Variants in NSG1 observed in about 807,000 individuals in gnomAD.
The protein encoded by NSG1 is neuronal vesicle trafficking-associated protein 1.
A neutral mutation model predicts 19.3 loss-of-function variants in NSG1; 9 were observed. The observed-to-expected ratio is 0.47, with a 90% CI of 0.28 to 0.81. The LOEUF (loss-of-function observed/expected upper bound fraction) is 0.81. Among genes scored for constraint, NSG1 ranks in the 40% least tolerant of loss-of-function variants. NSG1 has a pLI of 0.11. For missense variants in NSG1, 236 were observed against 242.4 expected, an observed-to-expected ratio of 0.97 and a Z score of 0.18; for synonymous variants, 104 against 107.0, an observed-to-expected ratio of 0.97 and a Z score of 0.17.
intron 3 of NSG1, among the ~76,000 whole-genome samples, chr4:4,394,082 T>C (rs11944853): frequency 0.044 from 6,729 of 152,220 alleles, 510 homozygotes; most frequent in African/African-American, 0.15. Flanking sequence ...TAGGCGCCCT[T>C]ATAGCTCCAT....
rs1724699376 is a variant in NSG1, at chr4:4,418,289, C to G, written c.*854C>G. 1 of 152,188 alleles carries G rather than the reference C, an allele frequency of 6.6e-6. No homozygotes were observed. Among genetic ancestry groups the G allele is most frequent in the African/African-American group, 2.4e-5 (1 of 41,442 alleles). 9.4% of individuals were successfully genotyped at this position (152,188 alleles called of 1,614,324 possible). A position where few individuals can be genotyped will look rare whatever the true frequency, so the allele number is the denominator to read the frequency against. On this transcript the variant is annotated 3_prime_UTR_variant, in exon 5 of 5. Transcript: ENST00000621129. Reference sequence around the variant, plus strand: ...ACTTCTATTATGAATAAATTTGCACCAATAGCCCCATTAGTTTTTAAAGAA... The same window carrying G: ...ACTTCTATTATGAATAAATTTGCACGAATAGCCCCATTAGTTTTTAAAGAA...
intron 2 of NSG1, among the ~76,000 whole-genome samples, chr4:4,391,219 C>G (rs1722972361): frequency 6.6e-6 from 1 of 152,216 alleles, no homozygotes; most frequent in African/African-American, 2.4e-5. Context: ...ACCGCATGAC[C>G]TTGGCCAATG....
At chr4:4,414,101 C>G (rs1724382094) in intron 4 of NSG1, among the ~76,000 whole-genome samples, 1 of 152,080 alleles carries the variant, frequency 6.6e-6, no homozygotes, top group South Asian at 2.1e-4. Context: ...CCTGGAGCTT[C>G]CTTCCTGGCT....
At position 4,387,689 on chromosome 4, in the gene NSG1, T is replaced by C. The variant is rs1164172065; in HGVS notation, c.60T>C (p.Asp20=). The C allele has an allele frequency of 6.2e-7, 1 of 1,613,792 alleles. No homozygotes were observed. Among genetic ancestry groups the C allele is most frequent in the Admixed American group, 1.7e-5 (1 of 60,018 alleles). The change falls in exon 2 of 5, where the codon GAT becomes GAC. Residue 20 remains aspartate (D), a synonymous_variant. Coordinates refer to ENST00000621129, the MANE Select transcript of NSG1 (RefSeq NM_014392.5). ...EKGTKQPLLE[D]GFDTIPLMTP... ...GCACCAAGCAGCCGCTGCTGGAGGA[T>C]GGCTTCGACACCATTCCCCTGATGA...
chr4:4,387,618 G>A lies in NSG1; in HGVS notation c.-12G>A, dbSNP rs376727144. ...TCCCGCCGCAGGCTGCAGCCTCGGA[G>A]CTCCCGGAACGATGGTGAAGTTGGG... On this transcript the variant is annotated 5_prime_UTR_variant, in exon 2 of 5. Coordinates refer to ENST00000621129, the MANE Select transcript of NSG1 (RefSeq NM_014392.5). The A allele has an allele frequency of 6.2e-7, 1 of 1,607,762 alleles. No homozygotes were observed. The highest frequency in any genetic ancestry group is 8.5e-7 in the Non-Finnish European group (1 of 1,176,700).
intron 3 of NSG1, among the ~76,000 whole-genome samples, chr4:4,407,169 TAG>T (rs144222287): frequency 6.6e-6 from 1 of 152,096 alleles, no homozygotes; most frequent in African/African-American, 2.4e-5. Flanking sequence ...CTCTGGCCCT[TAG>T]AGAGGGTGAT....
At chr4:4,406,117 T>G (rs961764866) in intron 3 of NSG1, among the ~76,000 whole-genome samples, 2 of 152,188 alleles carry the variant, frequency 1.3e-5, no homozygotes, top group African/African-American at 4.8e-5. Context: ...AACCTCCACC[T>G]CCTGGGTTCA....
chr4:4,396,369 C>T (rs1436326256), intron 3 of NSG1, among the ~76,000 whole-genome samples: 3 of 152,228 alleles, frequency 2.0e-5, no homozygotes, highest in Non-Finnish European at 4.4e-5. Flanking sequence ...GTTGCTGACG[C>T]TGGAGAGGTC....
chr4:4,387,561 C>CCGGGGGGGGTGTG, intron 1 of NSG1, 43 bp from the exon 2 acceptor site: 1 of 1,141,990 alleles, frequency 8.8e-7, no homozygotes, highest in Non-Finnish European at 1.2e-6. Context: ...CGCCCCGCCC[C>CCGGGGGGGGTGTG]GGGTCTTGCT....
intron 3 of NSG1, among the ~76,000 whole-genome samples, chr4:4,398,205 G>A (rs752004493): frequency 6.6e-6 from 1 of 151,850 alleles, no homozygotes; most frequent in East Asian, 1.9e-4. Flanking sequence ...CACCTGCCTC[G>A]GCCTCCCAAA....
At chr4:4,402,867 A>C (rs1723643140) in intron 3 of NSG1, among the ~76,000 whole-genome samples, 1 of 152,230 alleles carries the variant, frequency 6.6e-6, no homozygotes, top group Non-Finnish European at 1.5e-5. Flanking sequence ...CAGGCATGGG[A>C]ATCAGACACT....
intron 4 of NSG1, among the ~76,000 whole-genome samples, chr4:4,415,291 C>A (rs1376823335): frequency 2.0e-5 from 3 of 152,170 alleles, no homozygotes; most frequent in African/African-American, 7.2e-5. Context: ...CCTCCCGTGC[C>A]CCACAAGACA....
intron 3 of NSG1, among the ~76,000 whole-genome samples, chr4:4,400,051 C>T (rs1254178073): frequency 6.6e-6 from 1 of 152,182 alleles, no homozygotes; most frequent in African/African-American, 2.4e-5. Context: ...GACACCATTG[C>T]CAAATCACAT....
At chr4:4,404,002 C>G (rs1723712018) in intron 3 of NSG1, among the ~76,000 whole-genome samples, 1 of 152,202 alleles carries the variant, frequency 6.6e-6, no homozygotes, top group Non-Finnish European at 1.5e-5. Context: ...TTTAAACTTG[C>G]TATGCCGCTA....
At chr4:4,414,195 C>T (rs1291727423) in intron 4 of NSG1, among the ~76,000 whole-genome samples, 2 of 151,944 alleles carry the variant, frequency 1.3e-5, no homozygotes, top group East Asian at 3.9e-4. Flanking sequence ...AGCCCAAGTC[C>T]CGCTGGATAC....
At chr4:4,415,807 G>A (rs963280924) in intron 4 of NSG1, 17 of 360,704 alleles carry the variant, frequency 4.7e-5, no homozygotes, top group African/African-American at 2.1e-4. Context: ...CCCTTGGTCC[G>A]TTTCCCTGAG....
chr4:4,398,006 T>G (rs1198152944), intron 3 of NSG1, among the ~76,000 whole-genome samples: 3 of 152,104 alleles, frequency 2.0e-5, no homozygotes, highest in East Asian at 3.9e-4. Flanking sequence ...CAGGCTGGAG[T>G]GCAGTGGCAC....
At chr4:4,416,753 C>T (rs1724569578) in intron 4 of NSG1, among the ~76,000 whole-genome samples, 1 of 152,104 alleles carries the variant, frequency 6.6e-6, no homozygotes, top group Admixed American at 6.5e-5. Context: ...CTGACTCCCG[C>T]CCCAAGGCCC....
chr4:4,406,015 C>G (rs904447560), intron 3 of NSG1, among the ~76,000 whole-genome samples: 5 of 152,214 alleles, frequency 3.3e-5, no homozygotes, highest in Non-Finnish European at 5.9e-5. Flanking sequence ...TGCCCCATCT[C>G]TTCAAGGACT....
Sources: gnomAD v4.1 joint callset for allele counts (sites outside exome capture counted in the v4.1 genomes callset) on GRCh38, gnomAD v4.1.1 for gene constraint, MANE v1.5 for transcripts, NCBI Gene and HGNC (gene_info 2026-07-23, HGNC 2026-07-21) for gene names.